MYCBP2: variants seen among roughly 807,000 people sequenced by gnomAD.
The protein encoded by MYCBP2 is MYC binding protein 2, also known as E3 ubiquitin-protein ligase MYCBP2.
Under a neutral mutation model 525.3 loss-of-function variants are expected in MYCBP2, and 120 were observed. The observed-to-expected ratio is 0.23, with a 90% CI of 0.20 to 0.27. The LOEUF is 0.27. MYCBP2 is among the 10% of genes least tolerant of loss of function. The probability of loss-of-function intolerance (pLI) is 1.00; values close to 1 mark genes in which losing one functional copy is unlikely to be tolerated. For missense variants in MYCBP2, 4,149 were observed against 5,657.1 expected (o/e 0.73, Z 8.55); for synonymous variants, 1,894 against 1,955.8 (o/e 0.97, Z 0.83).
At chr13:77,304,076 T>C (rs1310456564) in intron 1 of MYCBP2, among the ~76,000 whole-genome samples, 1 of 152,112 alleles carries the variant, frequency 6.6e-6, no homozygotes, top group African/African-American at 2.4e-5. Flanking sequence ...TGGAGGCTCC[T>C]GAAAAAACTA....
intron 3 of MYCBP2, among the ~76,000 whole-genome samples, chr13:77,279,249 G>A (rs79598830): frequency 0.011 from 1,611 of 152,234 alleles, 26 homozygotes; most frequent in African/African-American, 0.037. Context: ...GGAGCTTTTC[G>A]TCTTAGCCTT....
chr13:77,245,867 T>C (rs918708995), intron 15 of MYCBP2, among the ~76,000 whole-genome samples: 11 of 149,808 alleles, frequency 7.3e-5, no homozygotes, highest in African/African-American at 2.7e-4. Context: ...CACACACACA[T>C]ATATATACAC....
At chr13:77,146,025 T>C (rs141155253) in intron 48 of MYCBP2, 137 bp downstream of exon 48, 42 of 529,038 alleles carry the variant, frequency 7.9e-5, no homozygotes, top group African/African-American at 6.6e-4. Context: ...CATTATTATA[T>C]GACATCTCTA....
chr13:77,225,629 T>A, intron 18 of MYCBP2, 75 bp from the exon 19 acceptor site: 1 of 1,554,416 alleles, frequency 6.4e-7, no homozygotes, highest in Non-Finnish European at 8.8e-7. Flanking sequence ...ATCAGTTTAT[T>A]ATGGAAGAAC....
chr13:77,099,270 T>C lies in MYCBP2; in HGVS notation c.8141-257A>G, dbSNP rs1016676744. On this transcript the variant is annotated intron_variant, in intron 55 of 82. Transcript: ENST00000544440. ...GGTTGAACAAATCCAGTGTGAACTA[T>C]CAGTGATATCTCAACCTCTGCCCTA... 10 of 472,940 alleles carry C rather than the reference T, an allele frequency of 2.1e-5. 1 individual carries two copies. Among genetic ancestry groups the C allele is most frequent in the African/African-American group, 2.0e-4 (10 of 50,916 alleles). 29.3% of individuals were successfully genotyped at this position (472,940 alleles called of 1,614,324 possible). A position where few individuals can be genotyped will look rare whatever the true frequency, so the allele number is the denominator to read the frequency against.
chr13:77,127,428 C>T (rs552269490), intron 52 of MYCBP2, among the ~76,000 whole-genome samples: 200 of 151,878 alleles, frequency 1.3e-3, no homozygotes, highest in Non-Finnish European at 2.3e-3. Context: ...TTTTTCCCAA[C>T]TAAATGTAAA....
intron 17 of MYCBP2, among the ~76,000 whole-genome samples, chr13:77,235,117 T>A (rs73223415): frequency 0.02 from 3,109 of 152,166 alleles, 45 homozygotes; most frequent in Middle Eastern, 0.075. Context: ...TTATCTTTTA[T>A]TTAGCAGACA....
intron 55 of MYCBP2, among the ~76,000 whole-genome samples, chr13:77,112,951 C>A (rs995638697): frequency 1.3e-5 from 2 of 152,142 alleles, no homozygotes; most frequent in African/African-American, 4.8e-5. Context: ...ACACACTTCT[C>A]TATACTCATT....
intron 60 of MYCBP2, among the ~76,000 whole-genome samples, chr13:77,089,734 T>C (rs1454770485): frequency 6.6e-6 from 1 of 151,950 alleles, no homozygotes; most frequent in African/African-American, 2.4e-5. Context: ...CTCCAAGAGT[T>C]ATCAAGCTTC....
intron 22 of MYCBP2, 113 bp from the exon 23 acceptor site, chr13:77,211,433 A>C (rs1449175660): frequency 6.1e-6 from 3 of 489,892 alleles, no homozygotes; most frequent in South Asian, 1.0e-4. Context: ...AGAGAATAAA[A>C]GAGGCTAAGT....
rs769308224 is a variant in MYCBP2 at position 77,098,449 on chromosome 13, T to G, written c.8705A>C (p.Lys2902Thr). 3.1e-6 allele frequency: 5 copies of G among 1,613,454 alleles called. No homozygotes were observed. In the East Asian group the frequency reaches 6.7e-5, roughly 22 times the overall value. The change falls in exon 56 of 83, where the codon AAA becomes ACA. Residue 2902 changes from lysine (K) to threonine (T), a missense_variant. Physicochemically the swap from Lys to Thr is moderately conservative, Grantham distance 78. Coordinates refer to ENST00000544440, the MANE Select transcript of MYCBP2 (RefSeq NM_015057.5). ...LRGRSTSPKP[K>T]SVPKDSTDSP... ...ATCTGTAGAATCCTTTGGTACTGATTTTGGTTTTGGTGACGTTGACCGTCC... is the reference window on the plus strand; with the variant it reads ...ATCTGTAGAATCCTTTGGTACTGATGTTGGTTTTGGTGACGTTGACCGTCC...
At chr13:77,128,960 CAT>C (rs1172628739) in intron 52 of MYCBP2, among the ~76,000 whole-genome samples, 28 of 151,990 alleles carry the variant, frequency 1.8e-4, no homozygotes, top group Non-Finnish European at 3.8e-4. Flanking sequence ...AATTTGAAGT[CAT>C]GTGGAAGTAT....
chr13:77,200,124 A>G (rs2062313163), intron 26 of MYCBP2, among the ~76,000 whole-genome samples: 1 of 152,000 alleles, frequency 6.6e-6, no homozygotes, highest in Non-Finnish European at 1.5e-5. Flanking sequence ...AACCAAAGGC[A>G]AAGAAGTTGA....
chr13:77,243,238 AAG>A, intron 16 of MYCBP2, 78 bp from the exon 17 acceptor site: 1 of 1,090,464 alleles, frequency 9.2e-7, no homozygotes, highest in Non-Finnish European at 1.4e-6. Flanking sequence ...CATAAAATTC[AAG>A]AAAGTAAAAG....
intron 4 of MYCBP2, among the ~76,000 whole-genome samples, chr13:77,274,229 G>T (rs2075246488): frequency 1.3e-5 from 2 of 152,144 alleles, no homozygotes; most frequent in South Asian, 2.1e-4. Context: ...TGAGATATGT[G>T]GTATCAAAAG....
chr13:77,316,770 G>C lies in MYCBP2; in HGVS notation c.302+9704C>G, dbSNP rs546242596. On this transcript the variant is annotated intron_variant, in intron 1 of 82. Coordinates refer to ENST00000544440, the MANE Select transcript of MYCBP2 (RefSeq NM_015057.5). ...TGTTGGTCCAGGTGGCTGACTTCAT[G>C]GGGTGGTCACTGGGCCTTTCTCGTG... Among the ~76,000 whole-genome samples, 7 of 144,648 alleles carry C rather than the reference G, an allele frequency of 4.8e-5. No individual in the cohort carries two copies. The East Asian group carries it at 1.2e-3, about 24-fold the overall frequency. 94.9% of individuals were successfully genotyped at this position (144,648 alleles called of 152,430 possible).
chr13:77,180,392 G>A (rs2060106665), intron 33 of MYCBP2, 74 bp from the exon 34 acceptor site: 2 of 1,282,162 alleles, frequency 1.6e-6, no homozygotes, highest in Non-Finnish European at 2.2e-6. Context: ...TGAAAACCTT[G>A]TCTTTCTGAT....
At chr13:77,225,681 G>T in intron 18 of MYCBP2, 127 bp from the exon 19 acceptor site, 1 of 1,164,774 alleles carries the variant, frequency 8.6e-7, no homozygotes, top group Non-Finnish European at 1.2e-6. Flanking sequence ...AGAATCTGTA[G>T]CTGTTAGAAG....
rs76605892 is a variant in MYCBP2 at position 77,158,209 on chromosome 13, G to T, written c.6598-100C>A. The T allele has an allele frequency of 9.3e-4, 614 of 662,738 alleles. 11 individuals are homozygous for T. The East Asian group carries it at 0.019, about 21-fold the overall frequency. 41.1% of individuals were successfully genotyped at this position (662,738 alleles called of 1,614,324 possible). A position where few individuals can be genotyped will look rare whatever the true frequency, so the allele number is the denominator to read the frequency against. On this transcript the variant is annotated intron_variant, in intron 44 of 82. Transcript: ENST00000544440. The stretch of plus-strand genomic sequence containing the variant: ...ATACTTTCAGATAGGCCTTTACGGA[G>T]AAATCATTTTCTCCACGTACCCCAC...
Sources: allele counts gnomAD v4.1 joint callset (sites outside exome capture counted in the v4.1 genomes callset), GRCh38; gene constraint gnomAD v4.1.1; transcripts MANE v1.5; gene names NCBI Gene and HGNC (gene_info 2026-07-23, HGNC 2026-07-21).